The following FGF13 variants were observed in gnomAD, a reference collection of about 807,000 sequenced individuals.
The protein encoded by FGF13 is fibroblast growth factor 13.
A neutral mutation model predicts 19.5 loss-of-function variants in FGF13; 2 were observed. The ratio of observed to expected loss-of-function variants is 0.10; its 90% CI spans 0.04 to 0.32. The LOEUF (loss-of-function observed/expected upper bound fraction) is 0.32, where lower values mean the gene tolerates loss of function less well. Ranked by LOEUF, FGF13 falls within the 10% of genes least tolerant of loss-of-function variation. The pLI is 1.00. For synonymous variants in FGF13, 72 were observed against 76.9 expected (o/e 0.94, Z 0.33); for missense variants, 113 against 192.7 (o/e 0.59, Z 2.45).
chrX:139,187,364 T>A (rs1200121480), intron 1 of FGF13, among the ~76,000 whole-genome samples: 1 of 112,975 alleles, frequency 8.9e-6, no homozygotes, highest in Non-Finnish European at 1.9e-5. Context: ...TAAAAATTCA[T>A]GGCCTACTAA....
At chrX:139,111,104 C>T (rs1347479741) in intron 1 of FGF13, among the ~76,000 whole-genome samples, 1 of 111,876 alleles carries the variant, frequency 8.9e-6, no homozygotes, top group African/African-American at 3.3e-5. Context: ...ATGTTGACTG[C>T]TACAGATGGC....
intron 1 of FGF13, among the ~76,000 whole-genome samples, chrX:138,883,866 T>C (rs1323986420): frequency 9.0e-6 from 1 of 111,428 alleles, no homozygotes; most frequent in Non-Finnish European, 1.9e-5. Context: ...TTCATTGGCA[T>C]CCCCACACAA....
At chrX:139,017,339 G>GTA (rs34651307) in intron 1 of FGF13, among the ~76,000 whole-genome samples, 33,512 of 99,779 alleles carry the variant, frequency 0.34, 4,239 homozygotes, top group South Asian at 0.48. Context: ...ATACATGTAT[G>GTA]TATATATATA....
intron 1 of FGF13, among the ~76,000 whole-genome samples, chrX:139,077,570 A>G (rs1442182527): frequency 9.0e-6 from 1 of 111,419 alleles, no homozygotes; most frequent in Non-Finnish European, 1.9e-5. Context: ...ATACATATAT[A>G]CTTTTATGAG....
chrX:138,900,054 G>T (rs1231264346), intron 1 of FGF13, among the ~76,000 whole-genome samples: 1 of 111,579 alleles, frequency 9.0e-6, no homozygotes, highest in Non-Finnish European at 1.9e-5. Flanking sequence ...AAAGGAAGGA[G>T]AATTAAAGCT....
intron 1 of FGF13, among the ~76,000 whole-genome samples, chrX:139,019,919 A>C (rs2092170412): frequency 9.1e-6 from 1 of 110,295 alleles, no homozygotes; most frequent in South Asian, 3.9e-4. Context: ...ACAGACCTCA[A>C]AGGTGTGAAA....
At chrX:138,956,944 TC>T (rs1158760536) in intron 1 of FGF13, among the ~76,000 whole-genome samples, 1 of 111,588 alleles carries the variant, frequency 9.0e-6, no homozygotes, top group Non-Finnish European at 1.9e-5. Flanking sequence ...ATAGCTTTCG[TC>T]AGATTATCAA....
chrX:138,667,340 T>C (rs748431875), intron 3 of FGF13, among the ~76,000 whole-genome samples: 2 of 109,154 alleles, frequency 1.8e-5, no homozygotes, highest in South Asian at 7.7e-4. Context: ...AGCTAGCCAC[T>C]ACAAGGATCT....
At chrX:138,874,512 T>C (rs1215750554) in intron 1 of FGF13, among the ~76,000 whole-genome samples, 1 of 111,733 alleles carries the variant, frequency 8.9e-6, no homozygotes, top group African/African-American at 3.3e-5. Flanking sequence ...ATATGAGATA[T>C]TCTAAGCTAC....
intron 1 of FGF13, among the ~76,000 whole-genome samples, chrX:139,086,862 C>A (rs887242373): frequency 1.8e-5 from 2 of 112,759 alleles, no homozygotes; most frequent in Non-Finnish European, 3.7e-5. Flanking sequence ...ACCTGCACAA[C>A]TAGACCAAAA....
intron 1 of FGF13, among the ~76,000 whole-genome samples, chrX:139,032,626 G>C (rs769305905): frequency 2.7e-5 from 3 of 110,857 alleles, no homozygotes; most frequent in Non-Finnish European, 5.7e-5. Context: ...ACTTTGCTTA[G>C]ATATTGAAAG....
intron 1 of FGF13, among the ~76,000 whole-genome samples, chrX:138,926,759 C>A (rs904263133): frequency 1.8e-5 from 2 of 111,642 alleles, no homozygotes; most frequent in Non-Finnish European, 3.8e-5. Flanking sequence ...TCAAGACCAA[C>A]CTGGCCAACG....
At chrX:138,822,088 T>TCAA (rs1372857863) in intron 3 of FGF13, among the ~76,000 whole-genome samples, 2 of 111,726 alleles carry the variant, frequency 1.8e-5, no homozygotes, top group East Asian at 5.7e-4. Flanking sequence ...TCAAGAAATG[T>TCAA]GGTTTTTCCT....
intron 1 of FGF13, among the ~76,000 whole-genome samples, chrX:139,181,976 C>T (rs1287426447): frequency 9.0e-6 from 1 of 110,635 alleles, no homozygotes; most frequent in Non-Finnish European, 1.9e-5. Context: ...CCCTCTCCAA[C>T]ACAACCCAGA....
At chrX:138,801,555 C>T (rs910194728) in intron 3 of FGF13, among the ~76,000 whole-genome samples, 2 of 111,859 alleles carry the variant, frequency 1.8e-5, no homozygotes, top group Non-Finnish European at 3.8e-5. Context: ...TCAGGAGGCA[C>T]GGGGTTCAGG....
intron 1 of FGF13, among the ~76,000 whole-genome samples, chrX:139,133,512 A>G (rs2083776478): frequency 9.0e-6 from 1 of 110,896 alleles, no homozygotes; most frequent in Non-Finnish European, 1.9e-5. Flanking sequence ...TAACATAGCA[A>G]AGGAAGAAGA....
chrX:138,907,886 A>G (rs1029778639), intron 1 of FGF13, among the ~76,000 whole-genome samples: 1 of 111,499 alleles, frequency 9.0e-6, no homozygotes, highest in Non-Finnish European at 1.9e-5. Context: ...GCTAAGAGAA[A>G]GCACTGAGCG....
chrX:138,742,293 A>G (rs2124305162), upstream of FGF13, among the ~76,000 whole-genome samples: 1 of 112,383 alleles, frequency 8.9e-6, no homozygotes, highest in South Asian at 3.7e-4. Context: ...GATGTTTGAG[A>G]CTGCGTGTCC....
chrX:138,703,937 C>A (rs916672436), intron 2 of FGF13, among the ~76,000 whole-genome samples: 28 of 111,356 alleles, frequency 2.5e-4, no homozygotes, highest in African/African-American at 8.5e-4. Context: ...TGGTCTCGAA[C>A]TCCTGACCTC....
Sources: allele counts gnomAD v4.1 joint callset (sites outside exome capture counted in the v4.1 genomes callset), GRCh38; gene constraint gnomAD v4.1.1; transcripts MANE v1.5; gene names NCBI Gene and HGNC (gene_info 2026-07-23, HGNC 2026-07-21).